The following PDE4B variants were observed in gnomAD, a reference collection of about 807,000 sequenced individuals.
PDE4B encodes the protein 3',5'-cyclic-AMP phosphodiesterase 4B.
A neutral mutation model predicts 82.2 loss-of-function variants in PDE4B; 20 were observed. The ratio of observed to expected loss-of-function variants is 0.24; its 90% confidence interval spans 0.17 to 0.35. The LOEUF is 0.35. PDE4B is among the 10% of genes least tolerant of loss of function. The pLI, the probability that PDE4B is intolerant of heterozygous loss-of-function variation, is 1.00. For missense variants in PDE4B, 655 were observed against 907.2 expected, an observed-to-expected ratio of 0.72 and a Z score of 3.57; for synonymous variants, 320 against 318.9, an observed-to-expected ratio of 1.00 and a Z score of -0.04.
chr1:65,922,518 G>A (rs1460925186), intron 3 of PDE4B, among the ~76,000 whole-genome samples: 1 of 152,146 alleles, frequency 6.6e-6, no homozygotes, highest in Non-Finnish European at 1.5e-5. Context: ...TATAATTTAT[G>A]TCTGTGGGCA....
chr1:65,846,862 AT>A (rs1421643542), intron 1 of PDE4B, among the ~76,000 whole-genome samples: 3 of 152,232 alleles, frequency 2.0e-5, no homozygotes, highest in Non-Finnish European at 2.9e-5. Flanking sequence ...GATAAACTTA[AT>A]AAGACATACC....
chr1:65,836,037 G>A (rs1027798271), intron 1 of PDE4B, among the ~76,000 whole-genome samples: 1 of 152,046 alleles, frequency 6.6e-6, no homozygotes, highest in Non-Finnish European at 1.5e-5. Flanking sequence ...CGCCTCCCGG[G>A]TTCAAGCGAT....
chr1:66,029,156 T>C (rs1459717649), intron 3 of PDE4B, among the ~76,000 whole-genome samples: 1 of 151,724 alleles, frequency 6.6e-6, no homozygotes, highest in Non-Finnish European at 1.5e-5. Flanking sequence ...TGGTGGGAGG[T>C]GAAAGGCACT....
intron 1 of PDE4B, among the ~76,000 whole-genome samples, chr1:65,889,713 T>C (rs770533750): frequency 1.3e-5 from 2 of 152,234 alleles, no homozygotes; most frequent in Admixed American, 6.6e-5. Flanking sequence ...ACTATGTGGC[T>C]GCTGCTTCAT....
rs1449614735 is a variant in PDE4B, at chr1:65,981,115, A to G, written c.281+62280A>G. Among the ~76,000 whole-genome samples, 5 of 152,158 alleles carry G rather than the reference A, an allele frequency of 3.3e-5. No individual in the cohort carries two copies. The East Asian group carries it at 7.7e-4, about 23-fold the overall frequency. ...ATCTCAGGTGTGTCCGTTAGAAGGT[A>G]AAAAATCTGGAAATAGAATCCTGAG... is the stretch of plus-strand genomic sequence containing the variant. On this transcript the variant is annotated intron_variant, in intron 3 of 16. Coordinates refer to ENST00000341517, the MANE Select transcript of PDE4B (RefSeq NM_002600.4).
intron 3 of PDE4B, among the ~76,000 whole-genome samples, chr1:66,008,686 G>A (rs1178010110): frequency 1.3e-5 from 2 of 152,042 alleles, no homozygotes; most frequent in Non-Finnish European, 2.9e-5. Flanking sequence ...GTCATCTTCT[G>A]GAAACTTCTA....
chr1:65,889,542 T>C (rs1014743850), intron 1 of PDE4B, among the ~76,000 whole-genome samples: 1 of 152,178 alleles, frequency 6.6e-6, no homozygotes, highest in Non-Finnish European at 1.5e-5. Context: ...TTGTAATTTT[T>C]TGAAACATAA....
At chr1:66,207,840 T>G (rs1649681343) in intron 3 of PDE4B, among the ~76,000 whole-genome samples, 1 of 152,178 alleles carries the variant, frequency 6.6e-6, no homozygotes, top group South Asian at 2.1e-4. Context: ...CAAAATACTC[T>G]TTGAGTACTT....
chr1:65,897,323 C>T (rs765600112), intron 1 of PDE4B, among the ~76,000 whole-genome samples: 14 of 152,022 alleles, frequency 9.2e-5, no homozygotes, highest in Non-Finnish European at 2.1e-4. Context: ...TCTTCAAATG[C>T]CTATCATCAA....
intron 1 of PDE4B, among the ~76,000 whole-genome samples, chr1:65,909,942 T>G (rs1336677004): frequency 6.6e-6 from 1 of 152,194 alleles, no homozygotes; most frequent in African/African-American, 2.4e-5. Flanking sequence ...AAAGACCATT[T>G]CACCTAGTTT....
chr1:66,197,281 C>T (rs1300524612), intron 3 of PDE4B, among the ~76,000 whole-genome samples: 2 of 152,068 alleles, frequency 1.3e-5, no homozygotes, highest in Non-Finnish European at 2.9e-5. Context: ...TTTTTCTCCA[C>T]GTTTTCTGCA....
At chr1:66,067,670 T>G (rs911727999) in intron 3 of PDE4B, among the ~76,000 whole-genome samples, 4 of 152,162 alleles carry the variant, frequency 2.6e-5, no homozygotes, top group African/African-American at 9.7e-5. Flanking sequence ...TTTCTTTTCC[T>G]GTGCAGAAGT....
At chr1:66,253,572 A>G (rs1488754303) in intron 4 of PDE4B, among the ~76,000 whole-genome samples, 2 of 152,238 alleles carry the variant, frequency 1.3e-5, no homozygotes, top group Non-Finnish European at 2.9e-5. Context: ...TGCCTTCTCC[A>G]GGGGTTTGGG....
chr1:66,042,247 C>T (rs1330682475), intron 3 of PDE4B, among the ~76,000 whole-genome samples: 2 of 151,668 alleles, frequency 1.3e-5, no homozygotes, highest in Non-Finnish European at 2.9e-5. Flanking sequence ...ACATTTTCAG[C>T]CCCAAGATAG....
chr1:66,288,553 A>G (rs530785055), intron 7 of PDE4B, among the ~76,000 whole-genome samples: 3 of 150,746 alleles, frequency 2.0e-5, no homozygotes, highest in Non-Finnish European at 4.4e-5. Flanking sequence ...GACGCTGAAT[A>G]AATGTTAAAG....
intron 1 of PDE4B, among the ~76,000 whole-genome samples, chr1:65,810,759 AATT>A (rs1293025680): frequency 1.3e-5 from 2 of 152,092 alleles, no homozygotes; most frequent in Non-Finnish European, 2.9e-5. Flanking sequence ...TATATTTTAA[AATT>A]ATTATTAATA....
chr1:66,209,137 G>T (rs141531192), intron 3 of PDE4B, among the ~76,000 whole-genome samples: 1 of 152,306 alleles, frequency 6.6e-6, no homozygotes, highest in East Asian at 1.9e-4. Context: ...TGACCTTTTA[G>T]TGCAGTGACA....
intron 7 of PDE4B, among the ~76,000 whole-genome samples, chr1:66,268,502 T>A (rs991311245): frequency 1.8e-4 from 28 of 151,622 alleles, no homozygotes; most frequent in African/African-American, 5.8e-4. Flanking sequence ...ACCCCATCTC[T>A]ACTAAAACTA....
intron 3 of PDE4B, among the ~76,000 whole-genome samples, chr1:66,012,984 A>G (rs751970875): frequency 3.3e-5 from 5 of 152,138 alleles, no homozygotes; most frequent in Non-Finnish European, 5.9e-5. Context: ...AAACTGAGGC[A>G]TAAGGCAAAA....
Sources: gnomAD v4.1 joint callset for allele counts (sites outside exome capture counted in the v4.1 genomes callset) on GRCh38, gnomAD v4.1.1 for gene constraint, MANE v1.5 for transcripts, NCBI Gene and HGNC (gene_info 2026-07-23, HGNC 2026-07-21) for gene names.